The following HGF variants were observed in gnomAD, a reference collection of about 807,000 sequenced individuals.
HGF encodes the protein fibroblast-derived tumor cytotoxic factor.
A neutral mutation model predicts 111.6 loss-of-function variants in HGF; 39 were observed. The ratio of observed to expected loss-of-function variants is 0.35; its 90% CI spans 0.27 to 0.46. HGF has a LOEUF of 0.46. Ranked by LOEUF, HGF falls within the 20% of genes least tolerant of loss-of-function variation. HGF has a pLI of 1.00. For synonymous variants in HGF, 285 were observed against 294.8 expected, an observed-to-expected ratio of 0.97 and a Z score of 0.34; for missense variants, 735 against 910.5, an observed-to-expected ratio of 0.81 and a Z score of 2.48.
rs1358491315 is a variant in HGF, at chr7:81,702,584, T to C, written c.2184A>G (p.Ser728=). Residue 728 remains serine (S), a synonymous_variant, in exon 18 of 18, where the codon TCA becomes TCG. Coordinates refer to ENST00000222390, the MANE Select transcript of HGF (RefSeq NM_000601.6). ...GCTTCAGACACACTTACTTCAGCTA[T>C]GACTGTGGTACCTTATATGTTAAAA... is the stretch of plus-strand genomic sequence containing the variant. ...KIILTYKVPQ[S] The C allele has an allele frequency of 6.2e-6, 10 of 1,609,482 alleles. No homozygotes were observed. The highest frequency in any genetic ancestry group is 1.7e-5 in the Admixed American group (1 of 59,748).
chr7:81,769,176 C>T (rs1341936780), intron 1 of HGF, among the ~76,000 whole-genome samples: 1 of 152,006 alleles, frequency 6.6e-6, no homozygotes, highest in Non-Finnish European at 1.5e-5. Flanking sequence ...TCTAAATCTC[C>T]AAGCAATATG....
chr7:81,736,387 G>T (rs1299035170), intron 7 of HGF, among the ~76,000 whole-genome samples: 1 of 152,008 alleles, frequency 6.6e-6, no homozygotes, highest in African/African-American at 2.4e-5. Flanking sequence ...GTTTTGTAGT[G>T]CTGATACCCA....
rs778863051 is a variant in HGF at position 81,705,757 on chromosome 7, A to G, written c.1758-4T>C. Reference sequence around the variant, plus strand: ...AAAATCATCCAGGACAGCAGGCCTGAAAACACAAAATACAATGGTAAGTAC... The same window carrying G: ...AAAATCATCCAGGACAGCAGGCCTGGAAACACAAAATACAATGGTAAGTAC... On this transcript the variant is annotated splice_region_variant and splice_polypyrimidine_tract_variant and intron_variant, in intron 15 of 17. Transcript: ENST00000222390. 6.4e-7 allele frequency: 1 copy of G among 1,551,934 alleles called. No homozygotes were observed. The highest frequency in any genetic ancestry group is 1.1e-5 in the South Asian group (1 of 89,714).
Position 81,726,010 on chromosome 7 carries a change from G to T in HGF, c.1048C>A (p.Arg350=), listed in dbSNP as rs373442319. Residue 350 remains arginine (R), a synonymous_variant, in exon 9 of 18, where the codon CGA becomes AGA. Coordinates refer to ENST00000222390, the MANE Select transcript of HGF (RefSeq NM_000601.6). ...TPENFKCKDL[R]ENYCRNPDGS... is the part of the protein sequence containing the mutation. ...TCTGGATTTCGGCAGTAATTTTCTCGTAGGTCCCTATTGAGAATAAGCATG... is the reference window on the plus strand; with the variant it reads ...TCTGGATTTCGGCAGTAATTTTCTCTTAGGTCCCTATTGAGAATAAGCATG... 1.9e-6 allele frequency: 3 copies of T among 1,613,780 alleles called. No individual in the cohort carries two copies. Among genetic ancestry groups the T allele is most frequent in the Admixed American group, 1.7e-5 (1 of 59,986 alleles).
At position 81,726,033 on chromosome 7, in the gene HGF, A is replaced by C. The variant is rs2115905060; in HGVS notation, c.1041-16T>G. 2 of 1,613,664 alleles carry C rather than the reference A, an allele frequency of 1.2e-6. No homozygotes were observed. Among genetic ancestry groups the C allele is most frequent in the East Asian group, 4.5e-5 (2 of 44,862 alleles). On this transcript the variant is annotated splice_polypyrimidine_tract_variant and intron_variant, in intron 8 of 17. Transcript: ENST00000222390. ...TCGTAGGTCCCTATTGAGAATAAGC[A>C]TGTTAATGTAAATTGCCGGAGTTCT... is the stretch of plus-strand genomic sequence containing the variant.
In HGF at chr7:81,743,465, G is replaced by C. The variant is rs755250749; in HGVS notation, c.753C>G (p.Pro251=). ...AATAATTATCATCAAAGCCCTTGTC[G>C]GGATATCTGCAAACCACACCAAGAA... ...HRHKFLPERY[P]DKGFDDNYCR... The change falls in exon 7 of 18, where the codon CCC becomes CCG. Residue 251 remains proline, a synonymous_variant. Coordinates refer to ENST00000222390, the MANE Select transcript of HGF (RefSeq NM_000601.6). 1 of 1,602,708 alleles carries C rather than the reference G, an allele frequency of 6.2e-7. No homozygotes were observed.
At chr7:81,744,483 T>C (rs566581393) in intron 6 of HGF, among the ~76,000 whole-genome samples, 1 of 152,300 alleles carries the variant, frequency 6.6e-6, no homozygotes, top group South Asian at 2.1e-4. Flanking sequence ...CTATGACCAC[T>C]ACTTATGTCA....
rs1302153443 is a variant in HGF, at chr7:81,702,443, A to G, written c.*138T>C. ...ACAACAGAAAACACCCATAAACATT[A>G]ATGAGAATTTCAACAAACATGACTC... On this transcript the variant is annotated 3_prime_UTR_variant, in exon 18 of 18. Coordinates refer to ENST00000222390, the MANE Select transcript of HGF (RefSeq NM_000601.6). The G allele has an allele frequency of 1.0e-5, 7 of 697,312 alleles. No homozygotes were observed. Among genetic ancestry groups the G allele is most frequent in the African/African-American group, 3.6e-5 (2 of 55,536 alleles). The allele number at this position is 697,312 out of a possible 1,614,324, so 43.2% of individuals were successfully genotyped here.
At chr7:81,751,009 A>G (rs1247429393) in intron 5 of HGF, 1 of 981,408 alleles carries the variant, frequency 1.0e-6, no homozygotes, top group Non-Finnish European at 1.2e-6. Context: ...CAGAGATGGA[A>G]CTGGCTGTAG....
At chr7:81,734,579 G>A (rs981982180) in intron 7 of HGF, among the ~76,000 whole-genome samples, 2 of 151,854 alleles carry the variant, frequency 1.3e-5, no homozygotes, top group African/African-American at 2.4e-5. Context: ...TCTAATTCTT[G>A]GTACAACCAT....
intron 7 of HGF, among the ~76,000 whole-genome samples, chr7:81,730,892 T>C (rs974328043): frequency 6.6e-6 from 1 of 152,210 alleles, no homozygotes; most frequent in African/African-American, 2.4e-5. Flanking sequence ...AAGATTTGAG[T>C]AAATTTCATT....
intron 7 of HGF, among the ~76,000 whole-genome samples, chr7:81,737,229 C>G (rs1787860679): frequency 6.6e-6 from 1 of 151,986 alleles, no homozygotes; most frequent in African/African-American, 2.4e-5. Flanking sequence ...CAAAAGAGAG[C>G]TTAAAAGGTG....
intron 4 of HGF, chr7:81,755,105 T>G (rs1281983195): frequency 1.3e-5 from 2 of 152,074 alleles, no homozygotes; most frequent in East Asian, 3.9e-4. Context: ...ATCATCTGAT[T>G]CATTAATGAA....
chr7:81,763,309 C>T (rs528615502), intron 1 of HGF, among the ~76,000 whole-genome samples: 16 of 152,158 alleles, frequency 1.1e-4, no homozygotes, highest in Admixed American at 2.6e-4. Flanking sequence ...CAAAGACAGG[C>T]GAGAAACGTC....
At chr7:81,743,732 C>T (rs1275112149) in intron 6 of HGF, among the ~76,000 whole-genome samples, 1 of 152,104 alleles carries the variant, frequency 6.6e-6, no homozygotes. Flanking sequence ...GGTTCCAAAT[C>T]GAGTCTCTTT....
rs538520980 is a variant in HGF, at chr7:81,758,636, C to A, written c.367+56G>T. The A allele has an allele frequency of 1.7e-5, 18 of 1,076,840 alleles. No homozygotes were observed. In the South Asian group the frequency reaches 1.9e-4, roughly 11 times the overall value. The allele number at this position is 1,076,840 out of a possible 1,614,324, so 66.7% of individuals were successfully genotyped here. A position where few individuals can be genotyped will look rare whatever the true frequency, so the allele number is the denominator to read the frequency against. On this transcript the variant is annotated intron_variant, in intron 3 of 17. Transcript: ENST00000222390. The stretch of plus-strand genomic sequence containing the variant: ...GACCACTCTGGCAGGAAATTACAAA[C>A]ATACATTTCATTATACTTTATTTCA...
chr7:81,712,390 A>G (rs1789595429), intron 11 of HGF, among the ~76,000 whole-genome samples: 1 of 152,218 alleles, frequency 6.6e-6, no homozygotes, highest in Admixed American at 6.6e-5. Context: ...CAATGTCACT[A>G]ATGGAAAAAG....
At chr7:81,705,565 G>T (rs1789401404) in intron 16 of HGF, 30 bp from the exon 17 acceptor site, 4 of 1,609,746 alleles carry the variant, frequency 2.5e-6, no homozygotes, top group Non-Finnish European at 3.4e-6. Flanking sequence ...ATACAATAAG[G>T]TGAGAAAAGT....
chr7:81,760,722 T>A (rs1485608653), intron 2 of HGF, among the ~76,000 whole-genome samples: 2 of 132,902 alleles, frequency 1.5e-5, no homozygotes, highest in Admixed American at 7.8e-5. Flanking sequence ...TGTGTGTGTG[T>A]GAATGAGGAG....
Sources: allele counts gnomAD v4.1 joint callset (sites outside exome capture counted in the v4.1 genomes callset), GRCh38; gene constraint gnomAD v4.1.1; transcripts MANE v1.5; gene names NCBI Gene and HGNC (gene_info 2026-07-23, HGNC 2026-07-21).